The following CNKSR3 variants were observed in gnomAD, a reference collection of about 807,000 sequenced individuals.
CNKSR3 encodes the protein CNKSR family member 3, also known as connector enhancer of kinase suppressor of ras 3.
CNKSR3 carries 36 observed loss-of-function variants against 67.7 expected under a neutral mutation model. The observed-to-expected ratio is 0.53, with a 90% CI of 0.41 to 0.70. The LOEUF is 0.70. CNKSR3 is among the 30% of genes least tolerant of loss of function. The probability of loss-of-function intolerance (pLI) is 0.00; values close to 1 mark genes in which losing one functional copy is unlikely to be tolerated. For missense variants in CNKSR3, 630 were observed against 695.2 expected (o/e 0.91, Z 1.05); for synonymous variants, 281 against 271.4 (o/e 1.04, Z -0.35).
At chr6:154,421,374 C>G (rs988392096) in intron 9 of CNKSR3, among the ~76,000 whole-genome samples, 1 of 152,206 alleles carries the variant, frequency 6.6e-6, no homozygotes, top group Admixed American at 6.5e-5. Context: ...AGTACCTTGT[C>G]TCACAAAGTT....
chr6:154,422,990 A>G lies in CNKSR3; in HGVS notation c.730-7T>C, dbSNP rs779049789. On this transcript the variant is annotated splice_region_variant and splice_polypyrimidine_tract_variant and intron_variant, in intron 7 of 12. Coordinates refer to ENST00000607772, the MANE Select transcript of CNKSR3 (RefSeq NM_173515.4). ...GAGATCTGTCTGCAGGAGACTGTACAGAAACAAAATAACCTGCCTTAATTC... is the reference window on the plus strand; with the variant it reads ...GAGATCTGTCTGCAGGAGACTGTACGGAAACAAAATAACCTGCCTTAATTC... 1 of 1,587,164 alleles carries G rather than the reference A, an allele frequency of 6.3e-7. No homozygotes were observed. The highest frequency in any genetic ancestry group is 1.8e-5 in the Admixed American group (1 of 56,124).
chr6:154,434,321 G>GA (rs1011732703), intron 4 of CNKSR3, among the ~76,000 whole-genome samples: 21 of 149,106 alleles, frequency 1.4e-4, no homozygotes, highest in South Asian at 4.2e-4. Flanking sequence ...AATGCATGCA[G>GA]AAAAAAAAAA....
intron 1 of CNKSR3, among the ~76,000 whole-genome samples, chr6:154,476,636 A>T (rs1481171908): frequency 6.6e-6 from 1 of 152,184 alleles, no homozygotes; most frequent in Non-Finnish European, 1.5e-5. Context: ...ACAGTAACTT[A>T]GAAAACATGG....
At position 154,415,229 on chromosome 6, in the gene CNKSR3, T is replaced by A. The variant is rs1584057116; in HGVS notation, c.946-806A>T. Among the ~76,000 whole-genome samples the A allele has an allele frequency of 5.0e-5, 4 of 80,410 alleles. No individual in the cohort carries two copies. In the East Asian group the frequency reaches 2.0e-3, roughly 40 times the overall value. The allele number at this position is 80,410 out of a possible 152,430, so 52.8% of individuals were successfully genotyped here. ...CCTGGCTAGACTTACTAGCTGCCCATTTTTTTTTTTTTTTTTTTTAAGATG... is the reference window on the plus strand; with the variant it reads ...CCTGGCTAGACTTACTAGCTGCCCAATTTTTTTTTTTTTTTTTTTAAGATG... On this transcript the variant is annotated intron_variant, in intron 9 of 12. Coordinates refer to ENST00000607772, the MANE Select transcript of CNKSR3 (RefSeq NM_173515.4).
intron 1 of CNKSR3, among the ~76,000 whole-genome samples, chr6:154,498,438 C>CA (rs141136669): frequency 0.019 from 2,813 of 151,844 alleles, 88 homozygotes; most frequent in African/African-American, 0.064. Flanking sequence ...TTGACAAGAA[C>CA]AAAAAAATGA....
chr6:154,492,532 G>A (rs1486213838), intron 1 of CNKSR3, among the ~76,000 whole-genome samples: 3 of 152,072 alleles, frequency 2.0e-5, no homozygotes, highest in Non-Finnish European at 2.9e-5. Context: ...CACTTGATGA[G>A]GTCAGGAGTT....
intron 6 of CNKSR3, among the ~76,000 whole-genome samples, chr6:154,430,006 TAGG>T (rs1785332403): frequency 6.6e-6 from 1 of 152,228 alleles, no homozygotes; most frequent in African/African-American, 2.4e-5. Context: ...CGCTAGGTAC[TAGG>T]AGATCACTTG....
At chr6:154,411,508 G>A (rs1488233681) in intron 10 of CNKSR3, among the ~76,000 whole-genome samples, 3 of 152,014 alleles carry the variant, frequency 2.0e-5, no homozygotes, top group Non-Finnish European at 2.9e-5. Context: ...TTAGCCAGGT[G>A]TGGTGGCAGG....
chr6:154,417,984 T>G (rs1785056403), intron 9 of CNKSR3, among the ~76,000 whole-genome samples: 1 of 152,126 alleles, frequency 6.6e-6, no homozygotes, highest in Admixed American at 6.5e-5. Flanking sequence ...CAGTCCAACT[T>G]TATCTCCCAC....
At chr6:154,422,689 A>G in intron 8 of CNKSR3, 37 bp from the exon 9 acceptor site, 1 of 1,608,408 alleles carries the variant, frequency 6.2e-7, no homozygotes, top group East Asian at 2.2e-5. Context: ...AGACTTGCTC[A>G]TGAATAACGA....
At position 154,390,714 on chromosome 6, in the gene CNKSR3, G is replaced by A. The variant is rs1441185019; in HGVS notation, c.*15640C>T. The A allele has an allele frequency of 6.6e-6, 1 of 151,602 alleles. No individual in the cohort carries two copies. Among genetic ancestry groups the A allele is most frequent in the Non-Finnish European group, 1.5e-5 (1 of 68,046 alleles). 9.4% of individuals were successfully genotyped at this position (151,602 alleles called of 1,614,324 possible). A position where few individuals can be genotyped will look rare whatever the true frequency, so the allele number is the denominator to read the frequency against. On this transcript the variant is annotated 3_prime_UTR_variant, in exon 13 of 13. Transcript: ENST00000607772. ...ATAACAAAATACCACAGACTGGGTA[G>A]CTTAAACAACAGAAATGTGTCTTCT...
chr6:154,503,208 A>C (rs1329340369), intron 1 of CNKSR3, among the ~76,000 whole-genome samples: 1 of 152,206 alleles, frequency 6.6e-6, no homozygotes. Context: ...TGACTAGCCA[A>C]AAGCCCATCT....
intron 12 of CNKSR3, 35 bp downstream of exon 12, chr6:154,410,300 ACTCCCCAT>A: frequency 2.2e-6 from 3 of 1,390,250 alleles, no homozygotes; most frequent in Non-Finnish European, 3.1e-6. Flanking sequence ...GGGGCTGTTC[ACTCCCCAT>A]TTGCTGTTCC....
chr6:154,442,320 T>G, intron 2 of CNKSR3, 30 bp from the exon 3 acceptor site: 1 of 1,590,800 alleles, frequency 6.3e-7, no homozygotes, highest in Non-Finnish European at 8.6e-7. Flanking sequence ...AGAGAAAAAT[T>G]CAAAACAATG....
chr6:154,500,034 G>A (rs1786950277), intron 1 of CNKSR3, among the ~76,000 whole-genome samples: 1 of 151,802 alleles, frequency 6.6e-6, no homozygotes, highest in Admixed American at 6.6e-5. Flanking sequence ...CTCATGGTTA[G>A]TTTAAGACTC....
chr6:154,430,522 C>T lies in CNKSR3; in HGVS notation c.619G>A (p.Ala207Thr), dbSNP rs1785343039. The T allele has an allele frequency of 6.2e-7, 1 of 1,612,532 alleles. No homozygotes were observed. Among genetic ancestry groups the T allele is most frequent in the African/African-American group, 1.3e-5 (1 of 74,854 alleles). The change falls in exon 6 of 13, where the codon GCA (alanine) becomes ACA (threonine). Residue 207 changes from alanine (A) to threonine (T), a missense_variant. This residue lies in a region of CNKSR3 where 133 missense variants were observed against 190.6 expected (regional missense o/e 0.70). Coordinates refer to ENST00000607772, the MANE Select transcript of CNKSR3 (RefSeq NM_173515.4). ...GGTAAGTGAACTTCCTCCAGACATG[C>T]ACACTGGCTCATCACAGGATCTGTG... ...STTDPVMSQC[A>T]CLEEVHLPNI...
Position 154,414,532 on chromosome 6 carries a change from G to A in CNKSR3, c.946-109C>T, listed in dbSNP as rs1030684272. The A allele has an allele frequency of 1.9e-5, 21 of 1,133,210 alleles. No individual in the cohort carries two copies. The African/African-American group carries it at 2.2e-4, about 12-fold the overall frequency. 70.2% of individuals were successfully genotyped at this position (1,133,210 alleles called of 1,614,324 possible). A position where few individuals can be genotyped will look rare whatever the true frequency, so the allele number is the denominator to read the frequency against. On this transcript the variant is annotated intron_variant, in intron 9 of 12. Transcript: ENST00000607772. ...CAACACCAACCCCGTGTCTGAACAG[G>A]GACTGAGGTCATTCATGTGTTTACA...
chr6:154,464,497 A>G (rs765487865), intron 1 of CNKSR3, among the ~76,000 whole-genome samples: 1 of 152,072 alleles, frequency 6.6e-6, no homozygotes, highest in Non-Finnish European at 1.5e-5. Flanking sequence ...CCTGCGGAAC[A>G]TGAGGTCAGG....
rs555014730 is a variant in CNKSR3, at chr6:154,422,587, C to T, written c.864G>A (p.Leu288=). 6.2e-7 allele frequency: 1 copy of T among 1,613,916 alleles called. No individual in the cohort carries two copies. The highest frequency in any genetic ancestry group is 1.3e-5 in the African/African-American group (1 of 75,020). ...AAGACCCGGTGGGGCGCTTCTTAAGCAGTAACACAACTCCGGTGGGATTCT... is the reference window on the plus strand; with the variant it reads ...AAGACCCGGTGGGGCGCTTCTTAAGTAGTAACACAACTCCGGTGGGATTCT... ...LRENPTGVVL[L]LKKRPTGSFN... The change falls in exon 9 of 13, where the codon CTG becomes CTA. Residue 288 remains leucine, a synonymous_variant. Coordinates refer to ENST00000607772, the MANE Select transcript of CNKSR3 (RefSeq NM_173515.4).
Sources: gnomAD v4.1 joint callset for allele counts (sites outside exome capture counted in the v4.1 genomes callset) on GRCh38, gnomAD v4.1.1 for gene constraint, gnomAD v4.1.1 regional missense constraint, MANE v1.5 for transcripts, NCBI Gene and HGNC (gene_info 2026-07-23, HGNC 2026-07-21) for gene names.